SIPA1L1: variants seen among roughly 807,000 people sequenced by gnomAD.
The protein encoded by SIPA1L1 is signal induced proliferation associated 1 like 1, also known as signal-induced proliferation-associated 1-like protein 1.
A neutral mutation model predicts 162.7 loss-of-function variants in SIPA1L1; 26 were observed. The ratio of observed to expected loss-of-function variants is 0.16; its 90% CI spans 0.12 to 0.22. The LOEUF is 0.22. SIPA1L1 is among the 10% of genes least tolerant of loss of function. The pLI is 1.00. For missense variants in SIPA1L1, 1,874 were observed against 2,241.0 expected (o/e 0.84, Z 3.31); for synonymous variants, 829 against 837.4 (o/e 0.99, Z 0.17).
chr14:71,491,761 A>AACACACACACAC (rs59275638), intron 2 of SIPA1L1, among the ~76,000 whole-genome samples: 2,206 of 97,840 alleles, frequency 0.023, 45 homozygotes, highest in East Asian at 0.045. Context: ...TTTTATTTCA[A>AACACACACACAC]ACACACACAC....
intron 2 of SIPA1L1, among the ~76,000 whole-genome samples, chr14:71,395,390 G>T (rs1178675412): frequency 6.6e-6 from 1 of 152,192 alleles, no homozygotes. Flanking sequence ...GCTGGGTGTG[G>T]TGGCCATGTC....
intron 2 of SIPA1L1, among the ~76,000 whole-genome samples, chr14:71,337,054 G>A (rs1381184507): frequency 6.6e-6 from 1 of 152,142 alleles, no homozygotes; most frequent in African/African-American, 2.4e-5. Context: ...CTTTCTAAGG[G>A]ACCACTTAGT....
At chr14:71,660,141 A>G (rs1392373617) in intron 9 of SIPA1L1, among the ~76,000 whole-genome samples, 6 of 152,186 alleles carry the variant, frequency 3.9e-5, no homozygotes, top group Non-Finnish European at 5.9e-5. Flanking sequence ...TCATTTATGC[A>G]GGAATGGCAT....
intron 2 of SIPA1L1, among the ~76,000 whole-genome samples, chr14:71,373,535 G>A (rs1402766878): frequency 6.7e-6 from 1 of 149,628 alleles, no homozygotes; most frequent in Non-Finnish European, 1.5e-5. Flanking sequence ...TGAGGTGGGA[G>A]AATTGCTTGA....
intron 2 of SIPA1L1, among the ~76,000 whole-genome samples, chr14:71,483,944 T>C (rs930713824): frequency 6.6e-6 from 1 of 152,204 alleles, no homozygotes. Context: ...ACCTCTGCAC[T>C]CCGTAGCACC....
chr14:71,686,646 C>T (rs970066274), intron 13 of SIPA1L1, among the ~76,000 whole-genome samples: 1 of 152,054 alleles, frequency 6.6e-6, no homozygotes, highest in South Asian at 2.1e-4. Context: ...CAGGTTCAAG[C>T]GAGTCTCCTG....
chr14:71,524,045 A>G (rs1202216718), intron 3 of SIPA1L1, among the ~76,000 whole-genome samples: 1 of 152,200 alleles, frequency 6.6e-6, no homozygotes, highest in African/African-American at 2.4e-5. Flanking sequence ...TGTGCTATTA[A>G]GATGTTATTA....
intron 7 of SIPA1L1, among the ~76,000 whole-genome samples, chr14:71,641,519 G>A (rs1344790495): frequency 6.6e-6 from 1 of 152,116 alleles, no homozygotes; most frequent in African/African-American, 2.4e-5. Context: ...TCAGGAGATC[G>A]AGACCATCCT....
intron 3 of SIPA1L1, among the ~76,000 whole-genome samples, chr14:71,517,145 A>T (rs2051820993): frequency 6.6e-6 from 1 of 151,500 alleles, no homozygotes; most frequent in Non-Finnish European, 1.5e-5. Context: ...CCATGGACTC[A>T]CTGTCATTTT....
At chr14:71,531,331 G>A (rs2053428268) in intron 4 of SIPA1L1, among the ~76,000 whole-genome samples, 1 of 141,426 alleles carries the variant, frequency 7.1e-6, no homozygotes, top group African/African-American at 2.6e-5. Flanking sequence ...TTGTCAGTTT[G>A]TCACTATGTT....
chr14:71,489,907 G>A (rs1400364081), intron 2 of SIPA1L1, among the ~76,000 whole-genome samples: 1 of 152,116 alleles, frequency 6.6e-6, no homozygotes, highest in African/African-American at 2.4e-5. Flanking sequence ...CTGGAAGTCA[G>A]TTTATCATAT....
rs1209033088 is a variant in SIPA1L1, at chr14:71,730,148, A to T, written c.4708A>T (p.Asn1570Tyr). The change falls in exon 20 of 24, where the codon AAT (asparagine) becomes TAT (tyrosine). Residue 1570 changes from asparagine to tyrosine, a missense_variant. Physicochemically the swap from Asn to Tyr is moderately radical, Grantham distance 143 (BLOSUM62 -2). Transcript: ENST00000381232. ...AACACTGTCGGACGAGAGCATTTAC[A>T]ATAGCCAGAGGGAGCACTTTTTCAC... The part of the protein sequence containing the change: ...HRTLSDESIY[N>Y]SQREHFFTSR... 1 of 1,613,940 alleles carries T rather than the reference A, an allele frequency of 6.2e-7. No individual in the cohort carries two copies. Among genetic ancestry groups the T allele is most frequent in the Non-Finnish European group, 8.5e-7 (1 of 1,180,000 alleles).
At chr14:71,707,098 C>G (rs977836568) in intron 16 of SIPA1L1, among the ~76,000 whole-genome samples, 36 of 151,434 alleles carry the variant, frequency 2.4e-4, no homozygotes, top group African/African-American at 8.3e-4. Flanking sequence ...CAATGAAGAG[C>G]CTGCTCCTTC....
At chr14:71,487,647 C>G (rs1241340161) in intron 2 of SIPA1L1, among the ~76,000 whole-genome samples, 2 of 152,146 alleles carry the variant, frequency 1.3e-5, no homozygotes, top group African/African-American at 4.8e-5. Flanking sequence ...TCCACTTTCA[C>G]TCTGCTCAGC....
At chr14:71,644,053 AC>A (rs1481494849) in intron 7 of SIPA1L1, among the ~76,000 whole-genome samples, 3 of 152,086 alleles carry the variant, frequency 2.0e-5, no homozygotes, top group African/African-American at 7.2e-5. Flanking sequence ...TGATTTGCAC[AC>A]CTCGGCCTCC....
chr14:71,529,467 C>G, intron 4 of SIPA1L1, 97 bp downstream of exon 4: 1 of 532,974 alleles, frequency 1.9e-6, no homozygotes, highest in Non-Finnish European at 3.4e-6. Flanking sequence ...AACATAGAAA[C>G]AAAATTTTAA....
chr14:71,724,809 A>G lies in SIPA1L1; in HGVS notation c.4588A>G (p.Thr1530Ala). The change falls in exon 19 of 24, where the codon ACT becomes GCT. Residue 1530 changes from threonine (T) to alanine (A), a missense_variant. Thr to Ala is a moderately conservative substitution (Grantham distance 58). Transcript: ENST00000381232. ...LKKLIDLESP[T>A]PESQKSFKFH... ...GAAACTAATTGATCTTGAAAGCCCA[A>G]CTCCTGAATCACAGAAGAGTTTTAA... 1 of 1,614,066 alleles carries G rather than the reference A, an allele frequency of 6.2e-7. No individual in the cohort carries two copies. The highest frequency in any genetic ancestry group is 8.5e-7 in the Non-Finnish European group (1 of 1,180,002).
chr14:71,676,785 G>A (rs995176811), intron 12 of SIPA1L1, among the ~76,000 whole-genome samples: 1 of 151,908 alleles, frequency 6.6e-6, no homozygotes, highest in South Asian at 2.1e-4. Flanking sequence ...CATCTTCTAT[G>A]TCCCTACAAA....
intron 3 of SIPA1L1, among the ~76,000 whole-genome samples, chr14:71,519,345 T>C (rs2052067318): frequency 6.6e-6 from 1 of 152,074 alleles, no homozygotes; most frequent in Non-Finnish European, 1.5e-5. Flanking sequence ...GATGTAGATA[T>C]ATGTGTAGAT....
Sources: allele counts gnomAD v4.1 joint callset (sites outside exome capture counted in the v4.1 genomes callset), GRCh38; gene constraint gnomAD v4.1.1; transcripts MANE v1.5; gene names NCBI Gene and HGNC (gene_info 2026-07-23, HGNC 2026-07-21).